The following EXOC6B variants were observed in gnomAD, a reference collection of about 807,000 sequenced individuals.
EXOC6B encodes the protein exocyst complex component 6B.
A neutral mutation model predicts 113.5 loss-of-function variants in EXOC6B; 54 were observed. The observed-to-expected ratio is 0.48, with a 90% CI of 0.38 to 0.60. The LOEUF (loss-of-function observed/expected upper bound fraction) is 0.60, where lower values mean the gene tolerates loss of function less well. Ranked by LOEUF, EXOC6B falls within the 20% of genes least tolerant of loss-of-function variation. The pLI is 0.00. For missense variants in EXOC6B, 797 were observed against 977.5 expected (o/e 0.82, Z 2.46); for synonymous variants, 357 against 339.0 (o/e 1.05, Z -0.58).
chr2:72,592,359 T>C (rs6546778), intron 6 of EXOC6B, among the ~76,000 whole-genome samples: 134,290 of 152,160 alleles, frequency 0.88, 59,334 homozygotes, highest in East Asian at 0.99. Context: ...TTCCAACAGG[T>C]AGGAATGGCC....
At chr2:72,637,026 G>A (rs1466980734) in intron 6 of EXOC6B, among the ~76,000 whole-genome samples, 1 of 150,982 alleles carries the variant, frequency 6.6e-6, no homozygotes, top group African/African-American at 2.4e-5. Flanking sequence ...TGATACCAAT[G>A]AGCATGTGGA....
intron 8 of EXOC6B, among the ~76,000 whole-genome samples, chr2:72,542,367 G>A (rs1211332821): frequency 1.3e-5 from 2 of 152,150 alleles, no homozygotes; most frequent in Admixed American, 6.5e-5. Flanking sequence ...TTCTAGTCCA[G>A]TATTAAGCCC....
intron 20 of EXOC6B, among the ~76,000 whole-genome samples, chr2:72,302,315 G>A (rs945009077): frequency 2.6e-5 from 4 of 152,164 alleles, no homozygotes; most frequent in African/African-American, 9.7e-5. Flanking sequence ...GTATATTCCT[G>A]TTGTTTTCGG....
At chr2:72,292,698 G>A (rs775938103) in intron 20 of EXOC6B, among the ~76,000 whole-genome samples, 1 of 152,038 alleles carries the variant, frequency 6.6e-6, no homozygotes, top group Non-Finnish European at 1.5e-5. Context: ...TCTTCCTTCT[G>A]CAACCCTAAC....
chr2:72,520,208 G>C (rs140184561), intron 8 of EXOC6B, among the ~76,000 whole-genome samples: 221 of 152,100 alleles, frequency 1.5e-3, no homozygotes, highest in Middle Eastern at 6.8e-3. Flanking sequence ...ACACATAACT[G>C]GTATGCAATT....
chr2:72,255,195 C>G (rs1683280441), intron 20 of EXOC6B, among the ~76,000 whole-genome samples: 1 of 152,146 alleles, frequency 6.6e-6, no homozygotes, highest in African/African-American at 2.4e-5. Flanking sequence ...TGTCTAGTGG[C>G]AGGGATCCCT....
intron 19 of EXOC6B, among the ~76,000 whole-genome samples, chr2:72,378,031 C>T (rs1270876330): frequency 6.6e-6 from 1 of 151,916 alleles, no homozygotes; most frequent in Non-Finnish European, 1.5e-5. Context: ...TCATCTTCTG[C>T]GGTCTTACTA....
intron 20 of EXOC6B, among the ~76,000 whole-genome samples, chr2:72,275,004 T>A (rs1038331820): frequency 6.6e-6 from 1 of 152,116 alleles, no homozygotes; most frequent in Non-Finnish European, 1.5e-5. Context: ...GACAAAGGGA[T>A]GAGATGGATT....
At chr2:72,537,453 C>CAA (rs74620661) in intron 8 of EXOC6B, among the ~76,000 whole-genome samples, 83 of 74,180 alleles carry the variant, frequency 1.1e-3, no homozygotes, top group Middle Eastern at 7.9e-3. Context: ...ACAAAAAATA[C>CAA]AAAAAAAAAA....
At chr2:72,404,765 G>C (rs1224632047) in intron 18 of EXOC6B, among the ~76,000 whole-genome samples, 1 of 152,166 alleles carries the variant, frequency 6.6e-6, no homozygotes, top group Non-Finnish European at 1.5e-5. Flanking sequence ...GGAAAAAACA[G>C]AGTAGAAAAA....
At chr2:72,480,069 T>A (rs1397467991) in intron 17 of EXOC6B, among the ~76,000 whole-genome samples, 1 of 151,882 alleles carries the variant, frequency 6.6e-6, no homozygotes, top group Non-Finnish European at 1.5e-5. Flanking sequence ...CCGGGCATGG[T>A]GGCACACGCC....
intron 10 of EXOC6B, 33 bp downstream of exon 10, chr2:72,514,601 A>ATATATATATATATATAT (rs71884143): frequency 1.2e-5 from 1 of 81,826 alleles, no homozygotes; most frequent in African/African-American, 4.1e-5. Context: ...TAAATAAATA[A>ATATATATATATATATAT]ATAAATATAT....
intron 7 of EXOC6B, among the ~76,000 whole-genome samples, chr2:72,571,152 T>A (rs965467214): frequency 4.3e-4 from 65 of 152,196 alleles, no homozygotes; most frequent in Non-Finnish European, 5.3e-4. Context: ...CTACTTCTGA[T>A]TTTTTTTAAG....
intron 6 of EXOC6B, among the ~76,000 whole-genome samples, chr2:72,693,650 T>C (rs1285194842): frequency 6.6e-6 from 1 of 152,150 alleles, no homozygotes; most frequent in Non-Finnish European, 1.5e-5. Flanking sequence ...TACATCAAGG[T>C]TTGGTCGGGT....
intron 1 of EXOC6B, among the ~76,000 whole-genome samples, chr2:72,743,891 T>C (rs1379748729): frequency 6.6e-6 from 1 of 152,166 alleles, no homozygotes; most frequent in Non-Finnish European, 1.5e-5. Context: ...AACTCAGCAG[T>C]AGCCATAGAT....
At chr2:72,699,234 C>CT (rs1313264436) in intron 6 of EXOC6B, among the ~76,000 whole-genome samples, 5 of 152,180 alleles carry the variant, frequency 3.3e-5, no homozygotes, top group African/African-American at 1.2e-4. Context: ...AATCCCAGCA[C>CT]TTTGGGAAGC....
At chr2:72,334,456 G>T (rs1439789798) in intron 20 of EXOC6B, among the ~76,000 whole-genome samples, 1 of 152,100 alleles carries the variant, frequency 6.6e-6, no homozygotes, top group Non-Finnish European at 1.5e-5. Flanking sequence ...TTCTACAAAG[G>T]AGGAGGCGGG....
At chr2:72,232,771 T>A (rs576805592) in intron 20 of EXOC6B, among the ~76,000 whole-genome samples, 12 of 152,272 alleles carry the variant, frequency 7.9e-5, no homozygotes, top group African/African-American at 2.9e-4. Flanking sequence ...TATGTATTAC[T>A]TTTATTATAA....
At chr2:72,630,337 C>T (rs192645377) in intron 6 of EXOC6B, among the ~76,000 whole-genome samples, 34 of 152,270 alleles carry the variant, frequency 2.2e-4, no homozygotes, top group Non-Finnish European at 3.7e-4. Context: ...AGAATTCACA[C>T]AAACATCCAG....
Sources: allele counts gnomAD v4.1 joint callset (sites outside exome capture counted in the v4.1 genomes callset), GRCh38; gene constraint gnomAD v4.1.1; transcripts MANE v1.5; gene names NCBI Gene and HGNC (gene_info 2026-07-23, HGNC 2026-07-21).